The following HERC4 variants were observed in gnomAD, a reference collection of about 807,000 sequenced individuals.
HERC4 encodes the protein HECT and RLD domain containing E3 ubiquitin protein ligase 4, also known as probable E3 ubiquitin-protein ligase HERC4.
HERC4 carries 28 observed loss-of-function variants against 124.3 expected under a neutral mutation model. The ratio of observed to expected loss-of-function variants is 0.23; its 90% CI spans 0.17 to 0.31. The LOEUF (loss-of-function observed/expected upper bound fraction) is 0.31, where lower values mean the gene tolerates loss of function less well. HERC4 is among the 10% of genes least tolerant of loss of function. The pLI, the probability that HERC4 is intolerant of heterozygous loss-of-function variation, is 1.00. For synonymous variants in HERC4, 407 were observed against 421.5 expected (o/e 0.97, Z 0.42); for missense variants, 713 against 1,229.3 (o/e 0.58, Z 6.28).
intron 23 of HERC4, among the ~76,000 whole-genome samples, chr10:67,925,521 CTG>C (rs1187089958): frequency 6.6e-6 from 1 of 152,124 alleles, no homozygotes; most frequent in Non-Finnish European, 1.5e-5. Flanking sequence ...TTCCCTTTCT[CTG>C]TATTCATGAA....
In HERC4 at chr10:67,952,584, A is replaced by T. The variant is rs567795292; in HGVS notation, c.2337+2011T>A. Among the ~76,000 whole-genome samples the T allele has an allele frequency of 4.0e-5, 6 of 151,596 alleles. No homozygotes were observed. The South Asian group carries it at 1.3e-3, about 32-fold the overall frequency. ...ACTGGGCCCGGCCAAAAAAATACTT[A>T]TTTTAAAATATCTTAAAGACTCATA... is the stretch of plus-strand genomic sequence containing the variant. On this transcript the variant is annotated intron_variant, in intron 19 of 24. Transcript: ENST00000373700.
intron 9 of HERC4, among the ~76,000 whole-genome samples, chr10:68,006,208 C>T (rs780009817): frequency 1.3e-5 from 2 of 152,124 alleles, no homozygotes; most frequent in Non-Finnish European, 2.9e-5. Context: ...GTAGTGCGCA[C>T]ACCACAATGT....
intron 23 of HERC4, among the ~76,000 whole-genome samples, chr10:67,932,162 G>T (rs2031886524): frequency 6.6e-6 from 1 of 152,038 alleles, no homozygotes; most frequent in Non-Finnish European, 1.5e-5. Context: ...TCACCATGTT[G>T]GCCAGGCTGG....
At chr10:67,939,125 TAGAA>T (rs997119568) in intron 21 of HERC4, among the ~76,000 whole-genome samples, 4 of 152,126 alleles carry the variant, frequency 2.6e-5, no homozygotes, top group African/African-American at 7.2e-5. Flanking sequence ...TAGTATGAAA[TAGAA>T]AGGAATGTAC....
chr10:68,064,532 C>T (rs1245009847), intron 3 of HERC4, among the ~76,000 whole-genome samples: 3 of 92,800 alleles, frequency 3.2e-5, no homozygotes, highest in African/African-American at 1.3e-4. Context: ...CCAGCCTAGA[C>T]AATAGGCAAC....
intron 8 of HERC4, among the ~76,000 whole-genome samples, chr10:68,020,087 A>G (rs1243429900): frequency 6.6e-6 from 1 of 152,218 alleles, no homozygotes; most frequent in African/African-American, 2.4e-5. Context: ...ACTGTGCATT[A>G]GCAGGGAAAG....
At chr10:68,024,674 T>C (rs1283399497) in intron 8 of HERC4, among the ~76,000 whole-genome samples, 2 of 152,226 alleles carry the variant, frequency 1.3e-5, no homozygotes, top group South Asian at 2.1e-4. Context: ...TTGAAGCTAA[T>C]AGTTGATAAA....
At chr10:67,984,086 G>A (rs1163979106) in intron 15 of HERC4, among the ~76,000 whole-genome samples, 1 of 152,032 alleles carries the variant, frequency 6.6e-6, no homozygotes, top group Non-Finnish European at 1.5e-5. Context: ...TGGATCATTT[G>A]AGGCCAGGAG....
chr10:67,944,006 C>G (rs1253193496), intron 19 of HERC4, among the ~76,000 whole-genome samples: 1 of 152,212 alleles, frequency 6.6e-6, no homozygotes, highest in East Asian at 1.9e-4. Flanking sequence ...CTGGACCCAA[C>G]TGGGACTGAG....
intron 8 of HERC4, among the ~76,000 whole-genome samples, chr10:68,024,045 T>G (rs1304789335): frequency 6.6e-6 from 1 of 152,128 alleles, no homozygotes; most frequent in Non-Finnish European, 1.5e-5. Context: ...TGGAAAGACA[T>G]CTGTAAAACA....
intron 15 of HERC4, among the ~76,000 whole-genome samples, chr10:67,972,463 G>T (rs577085992): frequency 8.0e-5 from 12 of 149,172 alleles, no homozygotes; most frequent in African/African-American, 2.5e-4. Context: ...GGAGGTTGCG[G>T]TGAGCTGAGA....
At chr10:68,020,171 A>T (rs1564555425) in intron 8 of HERC4, among the ~76,000 whole-genome samples, 1 of 152,226 alleles carries the variant, frequency 6.6e-6, no homozygotes, top group Admixed American at 6.5e-5. Context: ...ACAATGATCA[A>T]AAACCAAAAA....
At chr10:67,997,000 A>G (rs939334313) in intron 9 of HERC4, among the ~76,000 whole-genome samples, 7 of 147,730 alleles carry the variant, frequency 4.7e-5, no homozygotes, top group African/African-American at 1.5e-4. Flanking sequence ...AAAAAAAAAG[A>G]AAAAAAAAGA....
At position 68,044,496 on chromosome 10, in the gene HERC4, C is replaced by T. The variant is rs903159407; in HGVS notation, c.294G>A (p.Ala98=). The change falls in exon 4 of 25, where the codon GCG becomes GCA. Residue 98 remains alanine (A), a synonymous_variant. Coordinates refer to ENST00000373700, the MANE Select transcript of HERC4 (RefSeq NM_015601.4). The stretch of plus-strand genomic sequence containing the variant: ...CATACACCTGGCCTTTGTCATTTAG[C>T]GCTAACGTATGAGCTTCTCCACATG... The part of the protein sequence containing the change: ...AVSCGEAHTL[A]LNDKGQVYAW... 41 of 1,613,912 alleles carry T rather than the reference C, an allele frequency of 2.5e-5. 1 individual carries two copies. In the Admixed American group the frequency reaches 3.2e-4, roughly 12 times the overall value.
intron 4 of HERC4, among the ~76,000 whole-genome samples, chr10:68,041,838 T>C (rs965383399): frequency 2.0e-5 from 3 of 152,222 alleles, no homozygotes; most frequent in African/African-American, 7.2e-5. Context: ...TTTCCCAAAG[T>C]AGTGACTTCA....
chr10:67,954,969 T>G lies in HERC4; in HGVS notation c.2187A>C (p.Pro729=), dbSNP rs61755666. The change falls in exon 18 of 25, where the codon CCA becomes CCC. Residue 729 remains proline, a synonymous_variant. Transcript: ENST00000373700. ...RKTKNIDYKK[P]LKVIFVGEDA... ...ACAGAAAATGTCAAATTACCTTGAG[T>G]GGCTTCTTGTAATCTATGTTCTTTG... 2,440 of 1,595,354 alleles carry G rather than the reference T, an allele frequency of 1.5e-3. 20 individuals carry two copies. Among genetic ancestry groups the G allele is most frequent in the South Asian group, 9.3e-3 (819 of 87,990 alleles).
At chr10:68,043,998 T>C (rs2039900248) in intron 4 of HERC4, among the ~76,000 whole-genome samples, 1 of 152,204 alleles carries the variant, frequency 6.6e-6, no homozygotes, top group South Asian at 2.1e-4. Flanking sequence ...GTTGGACTTC[T>C]ATATTCAACA....
At chr10:67,953,168 T>C (rs2033919905) in intron 19 of HERC4, among the ~76,000 whole-genome samples, 1 of 152,192 alleles carries the variant, frequency 6.6e-6, no homozygotes, top group Non-Finnish European at 1.5e-5. Context: ...ATTTTGTAGA[T>C]TTGACTTTGG....
chr10:68,028,669 A>C (rs2039031219), intron 7 of HERC4, among the ~76,000 whole-genome samples: 1 of 152,232 alleles, frequency 6.6e-6, no homozygotes, highest in African/African-American at 2.4e-5. Flanking sequence ...AAAACAAAAC[A>C]AAAAGCATAT....
Sources: allele counts gnomAD v4.1 joint callset (sites outside exome capture counted in the v4.1 genomes callset), GRCh38; gene constraint gnomAD v4.1.1; transcripts MANE v1.5; gene names NCBI Gene and HGNC (gene_info 2026-07-23, HGNC 2026-07-21).